SUCLG2: variants seen among roughly 807,000 people sequenced by gnomAD.
SUCLG2 encodes the protein succinate--CoA ligase [GDP-forming] subunit beta, mitochondrial.
SUCLG2 carries 42 observed loss-of-function variants against 47.9 expected under a neutral mutation model. The observed-to-expected ratio is 0.88, with a 90% CI of 0.69 to 1.14. SUCLG2 has a LOEUF of 1.14. SUCLG2 is among the 50% of genes most tolerant of loss of function. The probability of loss-of-function intolerance (pLI) is 0.00; values close to 1 mark genes in which losing one functional copy is unlikely to be tolerated. For synonymous variants in SUCLG2, 195 were observed against 197.3 expected (o/e 0.99, Z 0.10); for missense variants, 571 against 525.9 (o/e 1.09, Z -0.84).
At chr3:67,379,744 C>T (rs1702112020) in intron 10 of SUCLG2, among the ~76,000 whole-genome samples, 1 of 152,182 alleles carries the variant, frequency 6.6e-6, no homozygotes, top group Admixed American at 6.5e-5. Flanking sequence ...TGGGCTGACA[C>T]CCATTCATTC....
At chr3:67,385,059 A>G (rs954139878) in intron 10 of SUCLG2, among the ~76,000 whole-genome samples, 2 of 152,174 alleles carry the variant, frequency 1.3e-5, no homozygotes, top group African/African-American at 4.8e-5. Context: ...CCTGATAGCA[A>G]TGTGCTCGCT....
chr3:67,443,347 G>C, intron 9 of SUCLG2, among the ~76,000 whole-genome samples: 1 of 43,472 alleles, frequency 2.3e-5, no homozygotes, highest in African/African-American at 8.3e-5. Flanking sequence ...CCGCCGCGCC[G>C]GCGAGCGCCC....
intron 1 of SUCLG2, among the ~76,000 whole-genome samples, chr3:67,629,442 T>C (rs1700889545): frequency 6.6e-6 from 1 of 151,762 alleles, no homozygotes; most frequent in Admixed American, 6.6e-5. Flanking sequence ...TGGTTTATTA[T>C]AAAGGATAAA....
intron 2 of SUCLG2, among the ~76,000 whole-genome samples, chr3:67,598,686 A>G (rs1708348850): frequency 6.6e-6 from 1 of 152,140 alleles, no homozygotes. Context: ...CCCCTGCATC[A>G]CCCAGTGTAT....
chr3:67,541,621 A>T (rs1180587340), intron 2 of SUCLG2, among the ~76,000 whole-genome samples: 2 of 152,230 alleles, frequency 1.3e-5, no homozygotes, highest in African/African-American at 4.8e-5. Context: ...TACTTCCCCA[A>T]CCTAGCAAGG....
intron 2 of SUCLG2, among the ~76,000 whole-genome samples, chr3:67,585,576 T>G: frequency 6.6e-6 from 1 of 152,070 alleles, no homozygotes; most frequent in East Asian, 1.9e-4. Flanking sequence ...AATAAGCCAC[T>G]AGAATGTAAG....
intron 6 of SUCLG2, among the ~76,000 whole-genome samples, chr3:67,509,437 T>C (rs1026774671): frequency 1.1e-4 from 17 of 152,144 alleles, no homozygotes; most frequent in African/African-American, 3.9e-4. Context: ...ACAGCACAAG[T>C]TCAAACTGAA....
intron 3 of SUCLG2, 135 bp downstream of exon 3, chr3:67,528,952 T>C (rs1230023378): frequency 3.2e-6 from 2 of 631,276 alleles, no homozygotes; most frequent in East Asian, 5.7e-5. Context: ...CCTCTACCTA[T>C]GATTTCAGTT....
At chr3:67,417,551 C>G (rs753833963) in intron 9 of SUCLG2, among the ~76,000 whole-genome samples, 4 of 152,174 alleles carry the variant, frequency 2.6e-5, no homozygotes, top group Admixed American at 6.5e-5. Context: ...AGGAACTGAA[C>G]TAGTTTCTCA....
In SUCLG2 at chr3:67,508,934, C is replaced by A. The variant is rs755302410; in HGVS notation, c.661-31G>T. On this transcript the variant is annotated intron_variant, in intron 6 of 10. Transcript: ENST00000307227. ...TGTGATCAAGTGAAATAGAATTACA[C>A]CAAAGCAGTAAAAGAAAATTTATTT... 8 of 1,494,752 alleles carry A rather than the reference C, an allele frequency of 5.4e-6. No individual in the cohort carries two copies. The South Asian group carries it at 8.9e-5, about 17-fold the overall frequency. The allele number at this position is 1,494,752 out of a possible 1,614,324, so 92.6% of individuals were successfully genotyped here. A position where few individuals can be genotyped will look rare whatever the true frequency, so the allele number is the denominator to read the frequency against.
intron 10 of SUCLG2, among the ~76,000 whole-genome samples, chr3:67,391,494 G>A (rs1702381333): frequency 6.6e-6 from 1 of 152,126 alleles, no homozygotes; most frequent in South Asian, 2.1e-4. Context: ...TTTCAGCTGT[G>A]TCCCATATGC....
rs1222055714 is a variant in SUCLG2, at chr3:67,412,056, AC to A, written c.1063-11206del. ...ATTAAGTGTCACTGTCACCAAAAAA[AC>A]ATTCTCAGCTGTAGACAATATTCTA... On this transcript the variant is annotated intron_variant, in intron 9 of 10. Coordinates refer to ENST00000307227, the MANE Select transcript of SUCLG2 (RefSeq NM_003848.4). Among the ~76,000 whole-genome samples the A allele has an allele frequency of 8.5e-5, 13 of 152,308 alleles. No homozygotes were observed. In the East Asian group the frequency reaches 1.3e-3, roughly 16 times the overall value.
chr3:67,553,549 C>T (rs755042499), intron 2 of SUCLG2, among the ~76,000 whole-genome samples: 1 of 152,104 alleles, frequency 6.6e-6, no homozygotes, highest in Non-Finnish European at 1.5e-5. Flanking sequence ...GTATCATTTA[C>T]AAATTTAATT....
At chr3:67,374,573 A>G (rs918119376), downstream of SUCLG2, 2 of 183,850 alleles carry the variant, frequency 1.1e-5, no homozygotes, top group African/African-American at 4.8e-5. Flanking sequence ...GGTATCTGAT[A>G]AAGTTGAGTG....
chr3:67,588,655 T>C (rs1053202981), intron 2 of SUCLG2, among the ~76,000 whole-genome samples: 2 of 152,124 alleles, frequency 1.3e-5, no homozygotes, highest in African/African-American at 4.8e-5. Flanking sequence ...TGCTCAGAGC[T>C]CTCTTGGTTC....
intron 10 of SUCLG2, among the ~76,000 whole-genome samples, chr3:67,397,734 A>C (rs560441370): frequency 1.3e-5 from 2 of 152,342 alleles, no homozygotes; most frequent in African/African-American, 4.8e-5. Context: ...TAAAAAGAAC[A>C]AAGCTGGAGG....
At chr3:67,644,134 T>C (rs928871418) in intron 1 of SUCLG2, among the ~76,000 whole-genome samples, 1 of 152,166 alleles carries the variant, frequency 6.6e-6, no homozygotes, top group African/African-American at 2.4e-5. Context: ...TGATACAACA[T>C]TTCTACTCAG....
At chr3:67,540,357 G>C (rs1706668703) in intron 2 of SUCLG2, among the ~76,000 whole-genome samples, 1 of 152,008 alleles carries the variant, frequency 6.6e-6, no homozygotes. Flanking sequence ...GGTGCTTGGT[G>C]GGAGGAGGGG....
At chr3:67,579,529 A>G (rs2772457) in intron 2 of SUCLG2, among the ~76,000 whole-genome samples, 142,959 of 152,204 alleles carry the variant, frequency 0.94, 67,637 homozygotes, top group South Asian at 1. Flanking sequence ...AAATTCGAAC[A>G]GATGTTAATA....
Sources: allele counts gnomAD v4.1 joint callset (sites outside exome capture counted in the v4.1 genomes callset), GRCh38; gene constraint gnomAD v4.1.1; transcripts MANE v1.5; gene names NCBI Gene and HGNC (gene_info 2026-07-23, HGNC 2026-07-21).